Variants in TRIP13 observed in about 807,000 individuals in gnomAD.
TRIP13 encodes the protein thyroid hormone receptor interactor 13.
TRIP13 carries 25 observed loss-of-function variants against 54.4 expected under a neutral mutation model. The ratio of observed to expected loss-of-function variants is 0.46; its 90% CI spans 0.33 to 0.64. The LOEUF is 0.64. TRIP13 is among the 30% of genes least tolerant of loss of function. TRIP13 has a pLI of 0.02. For synonymous variants in TRIP13, 207 were observed against 207.8 expected (o/e 1.00, Z 0.03); for missense variants, 373 against 534.2 (o/e 0.70, Z 2.97).
chr5:901,031 G>T (rs1488121181), intron 4 of TRIP13, among the ~76,000 whole-genome samples: 2 of 152,186 alleles, frequency 1.3e-5, no homozygotes, highest in African/African-American at 4.8e-5. Context: ...TCTAGGGAAG[G>T]AGCTTACTCA....
intron 5 of TRIP13, among the ~76,000 whole-genome samples, chr5:902,163 GA>G (rs1356473173): frequency 6.6e-6 from 1 of 152,170 alleles, no homozygotes; most frequent in Non-Finnish European, 1.5e-5. Flanking sequence ...TTCTTCTCAG[GA>G]GAAAATACTG....
In TRIP13 at chr5:912,556, G is replaced by A. The variant is rs1754260126; in HGVS notation, c.1020+560G>A. Reference sequence around the variant, plus strand: ...GCAGAGCGACGCGTGCGGGGAGCGTGTGTGAGTCAGGAGGGCCGTCGCCAC... The same window carrying A: ...GCAGAGCGACGCGTGCGGGGAGCGTATGTGAGTCAGGAGGGCCGTCGCCAC... On this transcript the variant is annotated intron_variant, in intron 10 of 12. Transcript: ENST00000166345. This position sits in a 1 kb window ranked among gnomAD's most constrained non-coding sequence, Gnocchi z 7.2. Among the ~76,000 whole-genome samples the A allele has an allele frequency of 6.9e-6, 1 of 144,724 alleles. No individual in the cohort carries two copies. The highest frequency in any genetic ancestry group is 1.5e-5 in the Non-Finnish European group (1 of 67,450). 94.9% of individuals were successfully genotyped at this position (144,724 alleles called of 152,430 possible).
chr5:916,318 C>G (rs1754340142), intron 12 of TRIP13, among the ~76,000 whole-genome samples: 1 of 152,222 alleles, frequency 6.6e-6, no homozygotes, highest in Non-Finnish European at 1.5e-5. Context: ...GAACAGTGAC[C>G]TGGATCCACA....
Position 908,383 on chromosome 5 carries a change from C to T in TRIP13, c.788C>T (p.Ala263Val). The T allele has an allele frequency of 1.2e-6, 2 of 1,612,952 alleles. No individual in the cohort carries two copies. Among genetic ancestry groups the T allele is most frequent in the Non-Finnish European group, 1.7e-6 (2 of 1,180,034 alleles). ...GAGAGTCTCACAGCCGCCCGAAATGCCTGCAGGGCGGGCACCGAGCCATCA... is the reference window on the plus strand; with the variant it reads ...GAGAGTCTCACAGCCGCCCGAAATGTCTGCAGGGCGGGCACCGAGCCATCA... ...EVESLTAARN[A>V]CRAGTEPSDA... The change falls in exon 9 of 13, where the codon GCC (alanine) becomes GTC (valine). Residue 263 changes from alanine to valine, a missense_variant. Ala to Val is a moderately conservative substitution (Grantham distance 64, BLOSUM62 0). Coordinates refer to ENST00000166345, the MANE Select transcript of TRIP13 (RefSeq NM_004237.4). This position sits in a 1 kb window ranked among gnomAD's most constrained non-coding sequence, Gnocchi z 5.2.
intron 1 of TRIP13, among the ~76,000 whole-genome samples, chr5:894,054 C>A (rs189115650): frequency 1.6e-4 from 24 of 152,298 alleles, no homozygotes; most frequent in Middle Eastern, 3.4e-3. Flanking sequence ...AGTTCATAGA[C>A]ACCTGCACAC....
At chr5:901,504 C>T in intron 5 of TRIP13, 73 bp downstream of exon 5, 1 of 1,443,910 alleles carries the variant, frequency 6.9e-7, no homozygotes, top group Non-Finnish European at 9.6e-7. Context: ...CTTCGTCCTT[C>T]TGCAAGGAGT....
chr5:900,336 A>C (rs918395144), intron 3 of TRIP13, among the ~76,000 whole-genome samples, 158 bp from the exon 4 acceptor site: 1 of 152,234 alleles, frequency 6.6e-6, no homozygotes, highest in Admixed American at 6.5e-5. Context: ...AAATTTGAAG[A>C]AAAATTTGCA....
intron 1 of TRIP13, 141 bp from the exon 2 acceptor site, chr5:894,646 G>A (rs1461568316): frequency 2.2e-6 from 2 of 890,302 alleles, no homozygotes; most frequent in Non-Finnish European, 3.2e-6. Context: ...CTCTAGATTT[G>A]GTCCCAGGCA....
In TRIP13 at chr5:908,835, G is replaced by T; in HGVS notation, c.866+374G>T. 3.5e-6 allele frequency: 1 copy of T among 289,000 alleles called. No homozygotes were observed. The highest frequency in any genetic ancestry group is 1.0e-4 in the East Asian group (1 of 10,032). The allele number at this position is 289,000 out of a possible 1,614,324, so 17.9% of individuals were successfully genotyped here. Reference sequence around the variant, plus strand: ...TAGCTGGGCATGATGGCGGGCGCCTGTAGTCCCAGCTACTCTGGAGGCTGA... The same window carrying T: ...TAGCTGGGCATGATGGCGGGCGCCTTTAGTCCCAGCTACTCTGGAGGCTGA... On this transcript the variant is annotated intron_variant, in intron 9 of 12. Transcript: ENST00000166345. The surrounding 1 kb of genome is among the most constrained non-coding windows in gnomAD (Gnocchi z 5.2).
In TRIP13 at chr5:911,895, G is replaced by A. The variant is rs201234602; in HGVS notation, c.919G>A (p.Val307Met). The A allele has an allele frequency of 5.3e-5, 86 of 1,613,792 alleles. No homozygotes were observed. The highest frequency in any genetic ancestry group is 1.7e-4 in the African/African-American group (13 of 74,968). The change falls in exon 10 of 13, where the codon GTG becomes ATG. Residue 307 changes from valine (V) to methionine (M), a missense_variant. Val to Met is a conservative substitution (Grantham distance 21, BLOSUM62 1). Transcript: ENST00000166345. The surrounding 1 kb of genome is among the most constrained non-coding windows in gnomAD (Gnocchi z 4.7). The stretch of plus-strand genomic sequence containing the variant: ...TTCTAACATCACCGAGAAGATCGAC[G>A]TGGCCTTCGTGGACAGGGCTGACAT... ...TTSNITEKID[V>M]AFVDRADIKQ...
intron 3 of TRIP13, among the ~76,000 whole-genome samples, chr5:899,923 T>C (rs1372732696): frequency 6.9e-6 from 1 of 144,002 alleles, no homozygotes; most frequent in Non-Finnish European, 1.5e-5. Context: ...ATTCAGTCAG[T>C]GTGTGGGGAA....
intron 4 of TRIP13, 46 bp downstream of exon 4, chr5:900,595 G>C: frequency 6.3e-7 from 1 of 1,599,336 alleles, no homozygotes. Flanking sequence ...ATTTGAAGAG[G>C]AACCATTACT....
rs1050612948 is a variant in TRIP13, at chr5:917,080, A to G, written c.1276A>G (p.Lys426Glu). 1 of 1,614,072 alleles carries G rather than the reference A, an allele frequency of 6.2e-7. No homozygotes were observed. Among genetic ancestry groups the G allele is most frequent in the Middle Eastern group, 1.6e-4 (1 of 6,062 alleles). ...LAVDKQFEER[K>E]KLAAYI ...AGTGGACAAGCAGTTTGAAGAGAGA[A>G]AGAAGCTTGCAGCTTACATCTGATC... Residue 426 changes from lysine to glutamate, a missense_variant, in exon 13 of 13, where the codon AAG becomes GAG. Physicochemically the swap from Lys to Glu is moderately conservative, Grantham distance 56. Transcript: ENST00000166345.
chr5:903,391 T>G (rs977505178), intron 5 of TRIP13, among the ~76,000 whole-genome samples: 1 of 152,174 alleles, frequency 6.6e-6, no homozygotes, highest in African/African-American at 2.4e-5. Context: ...AGGTTATGAT[T>G]GTAGAGCAAG....
chr5:910,529 C>T (rs576835109), intron 9 of TRIP13, among the ~76,000 whole-genome samples: 19 of 152,298 alleles, frequency 1.2e-4, no homozygotes, highest in African/African-American at 3.6e-4. Context: ...TTCCACACGA[C>T]GCTGATGGCC....
Position 908,226 on chromosome 5 carries a change from C to A in TRIP13, c.760-129C>A. 7.2e-7 allele frequency: 1 copy of A among 1,389,112 alleles called. No homozygotes were observed. The highest frequency in any genetic ancestry group is 1.2e-5 in the South Asian group (1 of 82,528). 86.0% of individuals were successfully genotyped at this position (1,389,112 alleles called of 1,614,324 possible). On this transcript the variant is annotated intron_variant, in intron 8 of 12. Transcript: ENST00000166345. This position sits in a 1 kb window ranked among gnomAD's most constrained non-coding sequence, Gnocchi z 5.2. ...TGTGCGCCTTTCCACCTTGCCGCAG[C>A]ATCCGCAGGCTAGGCACGGGAACAC...
intron 5 of TRIP13, 94 bp from the exon 6 acceptor site, chr5:904,054 C>G: frequency 8.8e-7 from 1 of 1,141,272 alleles, no homozygotes; most frequent in Admixed American, 2.4e-5. Context: ...TAACTGTATT[C>G]CTTATATTTT....
chr5:908,243 C>CG lies in TRIP13; in HGVS notation c.760-109dup, dbSNP rs1198532200. Reference sequence around the variant, plus strand: ...TGCCGCAGCATCCGCAGGCTAGGCACGGGAACACCCATTCATTCATCTTTT... The same window carrying CG: ...TGCCGCAGCATCCGCAGGCTAGGCACGGGGAACACCCATTCATTCATCTTTT... On this transcript the variant is annotated intron_variant, in intron 8 of 12. Coordinates refer to ENST00000166345, the MANE Select transcript of TRIP13 (RefSeq NM_004237.4). This position sits in a 1 kb window ranked among gnomAD's most constrained non-coding sequence, Gnocchi z 5.2. 1 of 1,423,198 alleles carries CG rather than the reference C, an allele frequency of 7.0e-7. No individual in the cohort carries two copies. Among genetic ancestry groups the CG allele is most frequent in the East Asian group, 2.3e-5 (1 of 43,656 alleles). The allele number at this position is 1,423,198 out of a possible 1,614,324, so 88.2% of individuals were successfully genotyped here. A position where few individuals can be genotyped will look rare whatever the true frequency, so the allele number is the denominator to read the frequency against.
Position 908,354 on chromosome 5 carries a change from G to A in TRIP13, c.760-1G>A, listed in dbSNP as rs1754161202. Reference sequence around the variant, plus strand: ...TTGACCCCACTGCTCCCTCCCAACAGGTGGAGAGTCTCACAGCCGCCCGAA... The same window carrying A: ...TTGACCCCACTGCTCCCTCCCAACAAGTGGAGAGTCTCACAGCCGCCCGAA... On this transcript the variant is annotated splice_acceptor_variant, in intron 8 of 12. Transcript: ENST00000166345. LOFTEE classifies it high-confidence loss of function. This position sits in a 1 kb window ranked among gnomAD's most constrained non-coding sequence, Gnocchi z 5.2. 1 of 1,610,788 alleles carries A rather than the reference G, an allele frequency of 6.2e-7. No homozygotes were observed. Among genetic ancestry groups the A allele is most frequent in the Admixed American group, 1.7e-5 (1 of 60,014 alleles).
Sources: gnomAD v4.1 joint callset for allele counts (sites outside exome capture counted in the v4.1 genomes callset) on GRCh38, gnomAD v4.1.1 for gene constraint, Gnocchi (gnomAD v3.1) non-coding constraint, MANE v1.5 for transcripts, NCBI Gene and HGNC (gene_info 2026-07-23, HGNC 2026-07-21) for gene names.